The following SERPINA1 variants were observed in gnomAD, a reference collection of about 807,000 sequenced individuals.
SERPINA1 encodes the protein alpha-1-antitrypsin.
In SERPINA1, 21 loss-of-function variants were observed where a neutral mutation model predicts 25.4. That is an observed-to-expected ratio of 0.83 (90% CI 0.59 to 1.19). SERPINA1 has a LOEUF of 1.19. SERPINA1 is among the 50% of genes most tolerant of loss of function. The pLI, the probability that SERPINA1 is intolerant of heterozygous loss-of-function variation, is 0.00. For missense variants in SERPINA1, 546 were observed against 509.0 expected (o/e 1.07, Z -0.70); for synonymous variants, 218 against 211.1 (o/e 1.03, Z -0.29).
At chr14:94,382,238 C>T (rs1382109866) in intron 2 of SERPINA1, among the ~76,000 whole-genome samples, 1 of 152,210 alleles carries the variant, frequency 6.6e-6, no homozygotes, top group East Asian at 1.9e-4. Context: ...TTCTGGGACA[C>T]TAGAGTCGTG....
chr14:94,382,710 C>A lies in SERPINA1; in HGVS notation c.528G>T (p.Glu176Asp). 6.2e-7 allele frequency: 1 copy of A among 1,614,248 alleles called. No individual in the cohort carries two copies. Among genetic ancestry groups the A allele is most frequent in the Non-Finnish European group, 8.5e-7 (1 of 1,180,052 alleles). The change falls in exon 2 of 5, where the codon GAG (glutamate) becomes GAT (aspartate). Residue 176 changes from glutamate to aspartate, a missense_variant. Physicochemically the swap from Glu to Asp is conservative, Grantham distance 45. Coordinates refer to ENST00000393087, the MANE Select transcript of SERPINA1 (RefSeq NM_000295.5). ...CGTAATCGTTGATCTGTTTCTTGGC[C>A]TCTTCGGTGTCCCCGAAGTTGACAG... ...AFTVNFGDTE[E>D]AKKQINDYVE...
chr14:94,378,651 G>A lies in SERPINA1; in HGVS notation c.1066-11C>T, dbSNP rs755642890. ...AGCCTTATGCACGGCCTGGAGGGGAGAGAAGCAGAGACACGTTGTAAGGCT... is the reference window on the plus strand; with the variant it reads ...AGCCTTATGCACGGCCTGGAGGGGAAAGAAGCAGAGACACGTTGTAAGGCT... On this transcript the variant is annotated splice_polypyrimidine_tract_variant and intron_variant, in intron 4 of 4. Coordinates refer to ENST00000393087, the MANE Select transcript of SERPINA1 (RefSeq NM_000295.5). 1.9e-6 allele frequency: 3 copies of A among 1,613,032 alleles called. No homozygotes were observed. The highest frequency in any genetic ancestry group is 2.5e-6 in the Non-Finnish European group (3 of 1,179,630).
rs532237180 is a variant in SERPINA1 at position 94,378,028 on chromosome 14, G to GT, written c.*420dup. ...GCCCTGGCAGGATGAGCAACTCTGG[G>GT]TGGGGGGGAGTGGGGGATGAGCAGG... On this transcript the variant is annotated 3_prime_UTR_variant, in exon 5 of 5. Coordinates refer to ENST00000393087, the MANE Select transcript of SERPINA1 (RefSeq NM_000295.5). 2 of 213,438 alleles carry GT rather than the reference G, an allele frequency of 9.4e-6. No homozygotes were observed. Among genetic ancestry groups the GT allele is most frequent in the Non-Finnish European group, 1.9e-5 (2 of 105,622 alleles). 13.2% of individuals were successfully genotyped at this position (213,438 alleles called of 1,614,324 possible).
At position 94,382,730 on chromosome 14, in the gene SERPINA1, T is replaced by G; in HGVS notation, c.508A>C (p.Asn170His). The change falls in exon 2 of 5, where the codon AAC becomes CAC. Residue 170 changes from asparagine (N) to histidine (H), a missense_variant. Asn to His is a moderately conservative substitution (Grantham distance 68, BLOSUM62 1). Transcript: ENST00000393087. ...TTGGCCTCTTCGGTGTCCCCGAAGT[T>G]GACAGTGAAGGCTTCTGAGTGGTAC... Reference protein sequence around the residue: ...KLYHSEAFTVNFGDTEEAKKQ... With the variant: ...KLYHSEAFTVHFGDTEEAKKQ... 2.5e-6 allele frequency: 4 copies of G among 1,614,270 alleles called. No homozygotes were observed. The highest frequency in any genetic ancestry group is 3.4e-6 in the Non-Finnish European group (4 of 1,180,048).
intron 1 of SERPINA1, among the ~76,000 whole-genome samples, chr14:94,385,262 A>G (rs991489347): frequency 6.6e-6 from 1 of 151,796 alleles, no homozygotes; most frequent in Non-Finnish European, 1.5e-5. Flanking sequence ...CTGGGGCCTC[A>G]CTCTCCCCAG....
At chr14:94,380,748 G>A (rs780565936) in intron 3 of SERPINA1, 123 bp downstream of exon 3, 16 of 1,255,976 alleles carry the variant, frequency 1.3e-5, no homozygotes, top group Non-Finnish European at 1.8e-5. Context: ...ATACAGAGTA[G>A]CAGTGACCCA....
intron 3 of SERPINA1, 138 bp from the exon 4 acceptor site, chr14:94,379,749 A>C (rs1268774386): frequency 1.7e-6 from 2 of 1,197,410 alleles, no homozygotes; most frequent in African/African-American, 3.0e-5. Context: ...TAAGATGGGA[A>C]CTCGGCTTTG....
At chr14:94,381,579 G>A (rs1232259116) in intron 2 of SERPINA1, among the ~76,000 whole-genome samples, 1 of 152,194 alleles carries the variant, frequency 6.6e-6, no homozygotes, top group African/African-American at 2.4e-5. Flanking sequence ...TACTATTCCT[G>A]AGAGCTTTCC....
At chr14:94,380,531 G>A in intron 3 of SERPINA1, 1 of 378,338 alleles carries the variant, frequency 2.6e-6, no homozygotes. Context: ...AAGCCCATCT[G>A]TTCCTTTTTG....
chr14:94,386,127 G>T (rs780248813), intron 1 of SERPINA1, among the ~76,000 whole-genome samples: 2 of 152,222 alleles, frequency 1.3e-5, no homozygotes, highest in Non-Finnish European at 2.9e-5. Context: ...ATCAGAGGCA[G>T]CACCCTGCAC....
In SERPINA1 at chr14:94,378,570, GC is replaced by G. The variant is rs1240316149; in HGVS notation, c.1135del (p.Ala379ProfsTer19). ...TEAAGAMFLE[A>X]IPMSIPPEVK... Reference sequence around the variant, plus strand: ...CTCGGGGGGGATAGACATGGGTATGGCCTCTAAAAACATGGCCCCAGCAGCT... The same window carrying G: ...CTCGGGGGGGATAGACATGGGTATGGCTCTAAAAACATGGCCCCAGCAGCT... On this transcript the variant is annotated frameshift_variant, in exon 5 of 5. Transcript: ENST00000393087. LOFTEE classifies it low-confidence loss of function (END_TRUNC). 3 of 1,613,912 alleles carry G rather than the reference GC, an allele frequency of 1.9e-6. No individual in the cohort carries two copies. The highest frequency in any genetic ancestry group is 1.3e-5 in the African/African-American group (1 of 74,880).
rs1011476837 is a variant in SERPINA1 at position 94,378,486 on chromosome 14, A to C, written c.1220T>G (p.Leu407Arg). The change falls in exon 5 of 5, where the codon CTC (leucine) becomes CGC (arginine). Residue 407 changes from leucine (L) to arginine (R), a missense_variant. Coordinates refer to ENST00000393087, the MANE Select transcript of SERPINA1 (RefSeq NM_000295.5). ...LMIEQNTKSPLFMGKVVNPTQ... is the reference protein window; with the variant it reads ...LMIEQNTKSPRFMGKVVNPTQ... Reference sequence around the variant, plus strand: ...GGGATTCACCACTTTTCCCATGAAGAGGGGAGACTTGGTATTTTGTTCAAT... The same window carrying C: ...GGGATTCACCACTTTTCCCATGAAGCGGGGAGACTTGGTATTTTGTTCAAT... 1 of 1,613,910 alleles carries C rather than the reference A, an allele frequency of 6.2e-7. No homozygotes were observed. The highest frequency in any genetic ancestry group is 1.3e-5 in the African/African-American group (1 of 74,848).
upstream of SERPINA1, chr14:94,388,956 T>C (rs889877480): frequency 4.6e-5 from 7 of 152,294 alleles, no homozygotes; most frequent in Non-Finnish European, 1.0e-4. Flanking sequence ...GGTAGCAAGA[T>C]CTACCATTTA....
chr14:94,384,945 A>T (rs1244529372), intron 1 of SERPINA1, among the ~76,000 whole-genome samples: 1 of 152,266 alleles, frequency 6.6e-6, no homozygotes, highest in East Asian at 1.9e-4. Flanking sequence ...CACACATTAC[A>T]TAATACATGT....
Position 94,382,669 on chromosome 14 carries a change from T to G in SERPINA1, c.569A>C (p.Gln190Pro), listed in dbSNP as rs1323793141. 1.2e-6 allele frequency: 2 copies of G among 1,614,238 alleles called. No homozygotes were observed. The highest frequency in any genetic ancestry group is 1.7e-5 in the Admixed American group (1 of 60,028). ...QINDYVEKGT[Q>P]GKIVDLVKEL... ...CTTGACCAAATCCACAATTTTCCCTTGAGTACCCTTCTCCACGTAATCGTT... is the reference window on the plus strand; with the variant it reads ...CTTGACCAAATCCACAATTTTCCCTGGAGTACCCTTCTCCACGTAATCGTT... The change falls in exon 2 of 5, where the codon CAA (glutamine) becomes CCA (proline). Residue 190 changes from glutamine to proline, a missense_variant. Coordinates refer to ENST00000393087, the MANE Select transcript of SERPINA1 (RefSeq NM_000295.5).
At chr14:94,379,146 C>G in intron 4 of SERPINA1, 1 of 584,688 alleles carries the variant, frequency 1.7e-6, no homozygotes, top group South Asian at 2.2e-5. Context: ...TTTGAAACAA[C>G]TTAGCCCAAA....
upstream of SERPINA1, chr14:94,388,763 G>T (rs55973910): frequency 1.3e-5 from 2 of 152,284 alleles, no homozygotes; most frequent in Admixed American, 6.5e-5. Flanking sequence ...CTGCCCGGAC[G>T]CTTTGCCTGG....
chr14:94,378,782 C>T, intron 4 of SERPINA1, 142 bp from the exon 5 acceptor site: 2 of 894,338 alleles, frequency 2.2e-6, no homozygotes, highest in South Asian at 1.5e-5. Flanking sequence ...TCACATAGGC[C>T]TTGCTCCTCC....
Position 94,378,340 on chromosome 14 carries a change from T to TGGGAGGGATTTACAGTCACATGCA in SERPINA1, c.*85_*108dup. Reference sequence around the variant, plus strand: ...GGCAAAGGGAGACTCAGAGAAAACATGGGAGGGATTTACAGTCACATGCAG... The same window carrying TGGGAGGGATTTACAGTCACATGCA: ...GGCAAAGGGAGACTCAGAGAAAACATGGGAGGGATTTACAGTCACATGCAGGGAGGGATTTACAGTCACATGCAG... On this transcript the variant is annotated 3_prime_UTR_variant, in exon 5 of 5. Coordinates refer to ENST00000393087, the MANE Select transcript of SERPINA1 (RefSeq NM_000295.5). 1 of 948,934 alleles carries TGGGAGGGATTTACAGTCACATGCA rather than the reference T, an allele frequency of 1.1e-6. No homozygotes were observed. The highest frequency in any genetic ancestry group is 1.7e-6 in the Non-Finnish European group (1 of 593,450). The allele number at this position is 948,934 out of a possible 1,614,324, so 58.8% of individuals were successfully genotyped here. A position where few individuals can be genotyped will look rare whatever the true frequency, so the allele number is the denominator to read the frequency against.
Sources: allele counts gnomAD v4.1 joint callset (sites outside exome capture counted in the v4.1 genomes callset), GRCh38; gene constraint gnomAD v4.1.1; transcripts MANE v1.5; gene names NCBI Gene and HGNC (gene_info 2026-07-23, HGNC 2026-07-21).